The following TBC1D19 variants were observed in gnomAD, a reference collection of about 807,000 sequenced individuals.
TBC1D19 encodes TBC1 domain family member 19.
Under a neutral mutation model 89.0 loss-of-function variants are expected in TBC1D19, and 60 were observed. The observed-to-expected ratio is 0.67, with a 90% CI of 0.55 to 0.84. TBC1D19 has a LOEUF of 0.84. Ranked by LOEUF, TBC1D19 falls within the 40% of genes least tolerant of loss-of-function variation. The pLI, the probability that TBC1D19 is intolerant of heterozygous loss-of-function variation, is 0.00. For missense variants in TBC1D19, 500 were observed against 610.8 expected, an observed-to-expected ratio of 0.82 and a Z score of 1.91; for synonymous variants, 189 against 199.7, an observed-to-expected ratio of 0.95 and a Z score of 0.45.
chr4:26,584,076 G>A, upstream of TBC1D19: 1 of 969,950 alleles, frequency 1.0e-6, no homozygotes, highest in Non-Finnish European at 1.6e-6. Context: ...GCCCGCTGGA[G>A]GAGTCCCAGT....
rs535043753 is a variant in TBC1D19, at chr4:26,628,735, A to G, written c.294+8047A>G. Among the ~76,000 whole-genome samples, 10 of 152,156 alleles carry G rather than the reference A, an allele frequency of 6.6e-5. No individual in the cohort carries two copies. The East Asian group carries it at 1.9e-3, about 29-fold the overall frequency. On this transcript the variant is annotated intron_variant, in intron 4 of 20. Transcript: ENST00000264866. ...CAATAACAGACAAACAGAGAGCCAA[A>G]TCATGAGTGAACTCCCATTCACAAT...
chr4:26,703,380 TTGTGTGTGTGCATGTG>T (rs1344700763), intron 13 of TBC1D19, among the ~76,000 whole-genome samples: 4 of 152,018 alleles, frequency 2.6e-5, no homozygotes, highest in South Asian at 2.1e-4. Flanking sequence ...TCAGAAAAAA[TTGTGTGTGTGCATGTG>T]TGTGTGTGTG....
Position 26,587,326 on chromosome 4 carries a change from C to G in TBC1D19, c.99+3034C>G, listed in dbSNP as rs192412356. Among the ~76,000 whole-genome samples the G allele has an allele frequency of 1.1e-4, 16 of 152,140 alleles. No homozygotes were observed. The South Asian group carries it at 1.9e-3, about 18-fold the overall frequency. On this transcript the variant is annotated intron_variant, in intron 1 of 20. Transcript: ENST00000264866. Reference sequence around the variant, plus strand: ...GGCGCGATGGCTCATGCCTGTAATCCTAGCACTTTGGGAGGCCAAGGTGGG... The same window carrying G: ...GGCGCGATGGCTCATGCCTGTAATCGTAGCACTTTGGGAGGCCAAGGTGGG...
intron 8 of TBC1D19, among the ~76,000 whole-genome samples, chr4:26,661,697 A>G (rs577453388): frequency 6.6e-6 from 1 of 152,330 alleles, no homozygotes; most frequent in Non-Finnish European, 1.5e-5. Context: ...GATGCAATAG[A>G]CGATAACCTG....
chr4:26,739,963 C>A lies in TBC1D19; in HGVS notation c.1217C>A (p.Ser406Tyr). The A allele has an allele frequency of 6.3e-7, 1 of 1,575,668 alleles. No individual in the cohort carries two copies. The highest frequency in any genetic ancestry group is 1.2e-5 in the South Asian group (1 of 85,270). ...TTCTTCAGACTCCATTCCATCTCTT[C>A]TCATCCTTCTGTAAGTTCATAAGAA... ...RFFFRLHSIS[S>Y]HPSGIVSLCL... Residue 406 changes from serine to tyrosine, a missense_variant, in exon 17 of 21, where the codon TCT becomes TAT. By Grantham distance (144) the Ser-to-Tyr change is moderately radical (BLOSUM62 -2). Transcript: ENST00000264866.
At chr4:26,817,573 G>GT in the TBC1D19 span, among the ~76,000 whole-genome samples, 1 of 152,154 alleles carries the variant, frequency 6.6e-6, no homozygotes, top group Non-Finnish European at 1.5e-5. Context: ...CTGAGGGAAA[G>GT]TGCACAACAT....
the TBC1D19 span, among the ~76,000 whole-genome samples, chr4:26,767,395 T>G: frequency 1.3e-5 from 2 of 152,164 alleles, no homozygotes; most frequent in Non-Finnish European, 2.9e-5. Flanking sequence ...AATTTCCATT[T>G]CTGTCCGAGA....
the TBC1D19 span, chr4:26,858,001 T>C: frequency 6.6e-6 from 1 of 152,220 alleles, no homozygotes; most frequent in Non-Finnish European, 1.5e-5. Context: ...CCAGAGCCAG[T>C]TCTCCCCAAG....
chr4:26,703,175 CT>C (rs1474881749), intron 13 of TBC1D19, among the ~76,000 whole-genome samples: 1 of 152,112 alleles, frequency 6.6e-6, no homozygotes, highest in Non-Finnish European at 1.5e-5. Context: ...AAGCATCTCT[CT>C]TTGGGAATTA....
the TBC1D19 span, among the ~76,000 whole-genome samples, chr4:26,786,410 G>A: frequency 1.3e-5 from 2 of 152,114 alleles, no homozygotes; most frequent in African/African-American, 4.8e-5. Context: ...CGAGGCAGGT[G>A]GATCACGAGG....
At chr4:26,598,369 A>C (rs1355221528) in intron 1 of TBC1D19, among the ~76,000 whole-genome samples, 2 of 151,872 alleles carry the variant, frequency 1.3e-5, no homozygotes, top group Non-Finnish European at 2.9e-5. Context: ...GAATTTTTAC[A>C]CTATGTATGA....
chr4:26,810,483 C>A, the TBC1D19 span, among the ~76,000 whole-genome samples: 5 of 152,206 alleles, frequency 3.3e-5, no homozygotes, highest in African/African-American at 1.2e-4. Context: ...CTCTTCTCCC[C>A]ATCCAGCTTG....
chr4:26,844,614 A>G, the TBC1D19 span, among the ~76,000 whole-genome samples: 2 of 152,250 alleles, frequency 1.3e-5, no homozygotes, highest in Non-Finnish European at 2.9e-5. Flanking sequence ...GAATAGCTGA[A>G]GAAGTTATTC....
the TBC1D19 span, among the ~76,000 whole-genome samples, chr4:26,765,817 C>T: frequency 6.6e-6 from 1 of 152,114 alleles, no homozygotes; most frequent in East Asian, 1.9e-4. Flanking sequence ...GTTCTCCTCT[C>T]TTCTCTTCTG....
intron 11 of TBC1D19, among the ~76,000 whole-genome samples, chr4:26,679,105 A>G (rs1263099688): frequency 1.3e-5 from 2 of 152,220 alleles, no homozygotes; most frequent in African/African-American, 2.4e-5. Context: ...AGAAATTTGC[A>G]TAAGTAATGA....
At chr4:26,770,726 C>G in the TBC1D19 span, among the ~76,000 whole-genome samples, 799 of 152,054 alleles carry the variant, frequency 5.3e-3, 5 homozygotes, top group African/African-American at 0.018. Context: ...AAAAAACAGA[C>G]AGGTCTCAAC....
chr4:26,681,611 G>A (rs1420195420), intron 11 of TBC1D19, among the ~76,000 whole-genome samples: 1 of 152,022 alleles, frequency 6.6e-6, no homozygotes, highest in Non-Finnish European at 1.5e-5. Flanking sequence ...AATTTATTCT[G>A]TAGATATAAA....
In TBC1D19 at chr4:26,720,125, G is replaced by T. The variant is rs763431703; in HGVS notation, c.1084G>T (p.Gly362Cys). The part of the protein sequence containing the change: ...EEYAVFYPPN[G>C]VIPFHGFSMY... Reference sequence around the variant, plus strand: ...ATATGCTGTCTTTTACCCACCAAATGGTAAGAGTAATGCTATTGCTTCCTC... The same window carrying T: ...ATATGCTGTCTTTTACCCACCAAATTGTAAGAGTAATGCTATTGCTTCCTC... The change falls in exon 15 of 21, where the codon GGT becomes TGT. Residue 362 changes from glycine (G) to cysteine (C), a missense_variant and splice_region_variant. Physicochemically the swap from Gly to Cys is radical, Grantham distance 159. Transcript: ENST00000264866. The T allele has an allele frequency of 1.3e-6, 2 of 1,596,928 alleles. No homozygotes were observed. Among genetic ancestry groups the T allele is most frequent in the Non-Finnish European group, 1.7e-6 (2 of 1,171,592 alleles).
the TBC1D19 span, among the ~76,000 whole-genome samples, chr4:26,771,105 A>C: frequency 6.6e-6 from 1 of 152,048 alleles, no homozygotes; most frequent in Non-Finnish European, 1.5e-5. Flanking sequence ...ACTCAATATC[A>C]CTAATCATCA....
Sources: allele counts gnomAD v4.1 joint callset (sites outside exome capture counted in the v4.1 genomes callset), GRCh38; gene constraint gnomAD v4.1.1; transcripts MANE v1.5; gene names NCBI Gene and HGNC (gene_info 2026-07-23, HGNC 2026-07-21).